The following TTLL3 variants were observed in gnomAD, a reference collection of about 807,000 sequenced individuals.
TTLL3 encodes the protein tubulin monoglycylase TTLL3.
TTLL3 carries 63 observed loss-of-function variants against 75.2 expected under a neutral mutation model. The ratio of observed to expected loss-of-function variants is 0.84; its 90% confidence interval spans 0.68 to 1.03. The LOEUF (loss-of-function observed/expected upper bound fraction) is 1.03, where lower values mean the gene tolerates loss of function less well. Among genes scored for constraint, TTLL3 ranks in the 50% least tolerant of loss-of-function variants. The pLI is 0.00. For missense variants in TTLL3, 997 were observed against 1,069.9 expected, an observed-to-expected ratio of 0.93 and a Z score of 0.95; for synonymous variants, 393 against 418.5, an observed-to-expected ratio of 0.94 and a Z score of 0.74.
chr3:9,821,960 G>A (rs532638687), intron 8 of TTLL3, among the ~76,000 whole-genome samples: 16 of 138,144 alleles, frequency 1.2e-4, no homozygotes, highest in African/African-American at 3.8e-4. Context: ...CCGAGATCGC[G>A]CCACTGTACT....
Position 9,810,289 on chromosome 3 carries a change from G to T in TTLL3, c.-147G>T, listed in dbSNP as rs1310594991. The T allele has an allele frequency of 2.7e-6, 4 of 1,500,746 alleles. No homozygotes were observed. In the East Asian group the frequency reaches 1.1e-4, roughly 40 times the overall value. The allele number at this position is 1,500,746 out of a possible 1,614,324, so 93.0% of individuals were successfully genotyped here. A position where few individuals can be genotyped will look rare whatever the true frequency, so the allele number is the denominator to read the frequency against. ...CCCCGCCCCTGCGCGCCGCCTCAGC[G>T]GCGCCTTCAAGACGCTGGTCCCAGG... On this transcript the variant is annotated 5_prime_UTR_variant, in exon 1 of 14. Transcript: ENST00000685419. This position sits in a 1 kb window ranked among gnomAD's most constrained non-coding sequence, Gnocchi z 4.4.
At chr3:9,828,105 G>A (rs2081219453) in intron 10 of TTLL3, 2 of 140,454 alleles carry the variant, frequency 1.4e-5, no homozygotes, top group Non-Finnish European at 3.0e-5. Context: ...TCGTGCCATT[G>A]CACTCCAGCC....
At chr3:9,810,136 G>T, upstream of TTLL3, 1 of 1,472,766 alleles carries the variant, frequency 6.8e-7, no homozygotes. This position sits in a 1 kb window ranked among gnomAD's most constrained non-coding sequence, Gnocchi z 4.4. Flanking sequence ...GCAGCCGCTC[G>T]AGCCACGCAC....
At chr3:9,818,260 A>T (rs1355848165) in intron 6 of TTLL3, 2 of 166,294 alleles carry the variant, frequency 1.2e-5, no homozygotes. Flanking sequence ...AAAGTAGGTG[A>T]TGAACAGAAG....
In TTLL3 at chr3:9,816,071, C is replaced by G; in HGVS notation, c.316-3C>G. On this transcript the variant is annotated splice_polypyrimidine_tract_variant and splice_region_variant and intron_variant, in intron 4 of 13. Transcript: ENST00000685419. Reference sequence around the variant, plus strand: ...GTGTTTCTGTCTCCTCCTGTCTCCCCAGTCCCGCATGGTCCAGAATGAGAT... The same window carrying G: ...GTGTTTCTGTCTCCTCCTGTCTCCCGAGTCCCGCATGGTCCAGAATGAGAT... 7.4e-7 allele frequency: 1 copy of G among 1,353,576 alleles called. No individual in the cohort carries two copies. Among genetic ancestry groups the G allele is most frequent in the Non-Finnish European group, 9.9e-7 (1 of 1,015,210 alleles). The allele number at this position is 1,353,576 out of a possible 1,614,324, so 83.8% of individuals were successfully genotyped here. A position where few individuals can be genotyped will look rare whatever the true frequency, so the allele number is the denominator to read the frequency against.
intron 5 of TTLL3, chr3:9,817,397 C>A (rs1277210982): frequency 2.0e-6 from 2 of 978,720 alleles, no homozygotes; most frequent in East Asian, 2.3e-4. Flanking sequence ...GCACTCCAGC[C>A]TGGGTGACAG....
intron 8 of TTLL3, among the ~76,000 whole-genome samples, chr3:9,823,248 G>A (rs1348959015): frequency 6.6e-6 from 1 of 152,042 alleles, no homozygotes; most frequent in Non-Finnish European, 1.5e-5. Context: ...GCTGGGTGTG[G>A]TGGTGGGTGC....
chr3:9,833,065 A>G, intron 11 of TTLL3, 39 bp from the exon 12 acceptor site: 1 of 1,611,962 alleles, frequency 6.2e-7, no homozygotes, highest in Non-Finnish European at 8.5e-7. Flanking sequence ...TTCCAGTACC[A>G]CTGACTGAGT....
At position 9,820,061 on chromosome 3, in the gene TTLL3, AG is replaced by A. The variant is rs1241791829; in HGVS notation, c.659-484del. On this transcript the variant is annotated intron_variant, in intron 7 of 13. Coordinates refer to ENST00000685419, the MANE Select transcript of TTLL3 (RefSeq NM_001387446.1). ...GTGTGTCAGGGCCTTGTGCAGTAACAGTGCACACAGAAGTTAGTGTTTCTGT... is the reference window on the plus strand; with the variant it reads ...GTGTGTCAGGGCCTTGTGCAGTAACATGCACACAGAAGTTAGTGTTTCTGT... 3.0e-6 allele frequency: 3 copies of A among 991,806 alleles called. No individual in the cohort carries two copies. In the African/African-American group the frequency reaches 5.2e-5, roughly 17 times the overall value. 61.4% of individuals were successfully genotyped at this position (991,806 alleles called of 1,614,324 possible).
chr3:9,818,952 C>A (rs923206133), intron 7 of TTLL3, 32 bp downstream of exon 7: 1 of 1,613,724 alleles, frequency 6.2e-7, no homozygotes, highest in Admixed American at 1.7e-5. Context: ...ACTCTCCCAC[C>A]CATTTATCCT....
intron 12 of TTLL3, chr3:9,834,168 G>A: frequency 3.3e-6 from 1 of 304,788 alleles, no homozygotes; most frequent in Non-Finnish European, 6.5e-6. Context: ...CTCCAAAGTA[G>A]TCACTCTGCC....
chr3:9,812,739 C>T, intron 2 of TTLL3: 3 of 516,404 alleles, frequency 5.8e-6, no homozygotes, highest in Non-Finnish European at 9.0e-6. Context: ...TGTAGTAGGT[C>T]CTCAATAAAT....
intron 6 of TTLL3, 186 bp downstream of exon 6, chr3:9,817,945 G>C: frequency 2.7e-6 from 2 of 746,210 alleles, no homozygotes; most frequent in Non-Finnish European, 4.2e-6. Flanking sequence ...CTCTTAGCTT[G>C]GTCAACTCTG....
intron 6 of TTLL3, 159 bp downstream of exon 6, chr3:9,817,918 G>A (rs2080041827): frequency 1.1e-6 from 1 of 944,816 alleles, no homozygotes; most frequent in Admixed American, 2.8e-5. Context: ...TCCCTAATGT[G>A]CCCTCCCTTA....
At chr3:9,827,464 A>T in intron 10 of TTLL3, 1 of 731,638 alleles carries the variant, frequency 1.4e-6, no homozygotes, top group Non-Finnish European at 2.1e-6. Context: ...GTGCAGTGGC[A>T]TGGTCACGGC....
upstream of TTLL3, chr3:9,809,925 A>G (rs1352007206): frequency 2.3e-5 from 3 of 128,452 alleles, no homozygotes; most frequent in African/African-American, 3.1e-4. Context: ...GAGCCTAGGC[A>G]GGAACTTCCC....
chr3:9,810,755 T>G lies in TTLL3; in HGVS notation c.48+46T>G, dbSNP rs2079275788. On this transcript the variant is annotated intron_variant, in intron 2 of 13. Transcript: ENST00000685419. This position sits in a 1 kb window ranked among gnomAD's most constrained non-coding sequence, Gnocchi z 4.4. ...GCTTAGAAAGGGCCCTGGGAGCGGC[T>G]CAGCCTGTCTCCCTGCGCTGTTTTC... The G allele has an allele frequency of 6.6e-7, 1 of 1,509,296 alleles. No individual in the cohort carries two copies. The highest frequency in any genetic ancestry group is 9.0e-7 in the Non-Finnish European group (1 of 1,114,962). The allele number at this position is 1,509,296 out of a possible 1,614,324, so 93.5% of individuals were successfully genotyped here. A position where few individuals can be genotyped will look rare whatever the true frequency, so the allele number is the denominator to read the frequency against.
chr3:9,818,021 C>T, intron 6 of TTLL3: 3 of 403,944 alleles, frequency 7.4e-6, no homozygotes, highest in Non-Finnish European at 1.3e-5. Flanking sequence ...TGGTCAGTCC[C>T]TTGAGTTTGG....
In TTLL3 at chr3:9,810,583, C is replaced by T; in HGVS notation, c.-41-38C>T. The T allele has an allele frequency of 1.3e-6, 2 of 1,545,732 alleles. No homozygotes were observed. Among genetic ancestry groups the T allele is most frequent in the South Asian group, 1.2e-5 (1 of 83,380 alleles). Reference sequence around the variant, plus strand: ...CCTAGGCCGAGACCCTAGGCCCAGCCTCAGTGTACCCCGCCCCTATTCCGC... The same window carrying T: ...CCTAGGCCGAGACCCTAGGCCCAGCTTCAGTGTACCCCGCCCCTATTCCGC... On this transcript the variant is annotated intron_variant, in intron 1 of 13. Coordinates refer to ENST00000685419, the MANE Select transcript of TTLL3 (RefSeq NM_001387446.1). This position sits in a 1 kb window ranked among gnomAD's most constrained non-coding sequence, Gnocchi z 4.4.
Sources: gnomAD v4.1 joint callset for allele counts (sites outside exome capture counted in the v4.1 genomes callset) on GRCh38, gnomAD v4.1.1 for gene constraint, Gnocchi (gnomAD v3.1) non-coding constraint, MANE v1.5 for transcripts, NCBI Gene and HGNC (gene_info 2026-07-23, HGNC 2026-07-21) for gene names.